CWC27: variants seen among roughly 807,000 people sequenced by gnomAD.
CWC27 encodes the protein spliceosome-associated protein CWC27 homolog.
In CWC27, 47 loss-of-function variants were observed where a neutral mutation model predicts 63.6. The observed-to-expected ratio is 0.74, with a 90% CI of 0.58 to 0.94. The LOEUF is 0.94. CWC27 is among the 40% of genes least tolerant of loss of function. CWC27 has a pLI of 0.00. For synonymous variants in CWC27, 175 were observed against 179.8 expected (o/e 0.97, Z 0.22); for missense variants, 495 against 554.3 (o/e 0.89, Z 1.07).
At chr5:64,887,505 T>G (rs188923339) in intron 11 of CWC27, among the ~76,000 whole-genome samples, 91 of 152,292 alleles carry the variant, frequency 6.0e-4, no homozygotes, top group Non-Finnish European at 8.7e-4. Flanking sequence ...TAGCTGAAAC[T>G]GCAAGCATGC....
chr5:64,944,267 T>C (rs1280261489), intron 11 of CWC27, among the ~76,000 whole-genome samples: 1 of 151,994 alleles, frequency 6.6e-6, no homozygotes, highest in African/African-American at 2.4e-5. Flanking sequence ...AAAAACTCCT[T>C]AAAGAAATAT....
rs997835187 is a variant in CWC27 at position 64,867,847 on chromosome 5, C to T, written c.939-17596C>T. Among the ~76,000 whole-genome samples, 53 of 151,930 alleles carry T rather than the reference C, an allele frequency of 3.5e-4. 1 individual carries two copies. The highest frequency in any genetic ancestry group is 1.2e-3 in the African/African-American group (50 of 41,478). ...ATCTCTAACACTAACATCTTCTTTC[C>T]CAGAGCTAGGAAGGCTCCTCAAAGG... On this transcript the variant is annotated intron_variant, in intron 10 of 13. Coordinates refer to ENST00000381070, the MANE Select transcript of CWC27 (RefSeq NM_005869.4).
intron 13 of CWC27, among the ~76,000 whole-genome samples, chr5:65,005,255 G>A (rs938363211): frequency 4.6e-5 from 7 of 151,902 alleles, no homozygotes; most frequent in Admixed American, 4.6e-4. Flanking sequence ...GGCACCCATG[G>A]CAGTGGCTAT....
chr5:64,928,203 C>T (rs73107283), intron 11 of CWC27, among the ~76,000 whole-genome samples: 1,652 of 151,436 alleles, frequency 0.011, 25 homozygotes, highest in African/African-American at 0.038. Context: ...TGTGTTTCCT[C>T]AGTCTGCATA....
intron 13 of CWC27, among the ~76,000 whole-genome samples, chr5:64,979,842 C>T (rs1199784477): frequency 6.6e-6 from 1 of 151,950 alleles, no homozygotes; most frequent in Non-Finnish European, 1.5e-5. Context: ...GAAACCATTA[C>T]CAATTTGTTA....
chr5:64,779,686 TC>T, intron 2 of CWC27, among the ~76,000 whole-genome samples: 1 of 152,274 alleles, frequency 6.6e-6, no homozygotes. Context: ...TTCTCTATTC[TC>T]CCCTTGATAT....
chr5:64,968,437 A>G (rs1447565295), intron 11 of CWC27, among the ~76,000 whole-genome samples: 5 of 152,148 alleles, frequency 3.3e-5, no homozygotes, highest in Non-Finnish European at 5.9e-5. Context: ...GTGTGTGTAA[A>G]TGTTTAAAGA....
intron 13 of CWC27, among the ~76,000 whole-genome samples, chr5:65,008,614 G>T (rs1749891472): frequency 6.6e-6 from 1 of 152,236 alleles, no homozygotes; most frequent in African/African-American, 2.4e-5. Context: ...CTCAATGTAG[G>T]AAGTGATGTG....
chr5:64,965,764 A>C (rs1484251216), intron 11 of CWC27, among the ~76,000 whole-genome samples: 1 of 152,200 alleles, frequency 6.6e-6, no homozygotes, highest in Non-Finnish European at 1.5e-5. Flanking sequence ...CACCAAACAG[A>C]TATTTTCAAA....
intron 13 of CWC27, among the ~76,000 whole-genome samples, chr5:64,982,859 A>G (rs2112451592): frequency 6.6e-6 from 1 of 152,324 alleles, no homozygotes; most frequent in African/African-American, 2.4e-5. Flanking sequence ...GCCGCCCAGC[A>G]GGCAGTAAGC....
chr5:64,801,193 C>A, intron 8 of CWC27, 109 bp from the exon 9 acceptor site: 1 of 998,562 alleles, frequency 1.0e-6, no homozygotes, highest in Non-Finnish European at 1.4e-6. Flanking sequence ...TGTTGAAATA[C>A]ATTTTTGGAA....
chr5:64,939,522 G>A (rs1237423949), intron 11 of CWC27, among the ~76,000 whole-genome samples: 1 of 152,208 alleles, frequency 6.6e-6, no homozygotes, highest in Non-Finnish European at 1.5e-5. Flanking sequence ...CCAGATGCCA[G>A]CTGGAGCTCT....
At chr5:64,878,501 G>A (rs1471193092) in intron 10 of CWC27, among the ~76,000 whole-genome samples, 148 of 25,984 alleles carry the variant, frequency 5.7e-3, no homozygotes, top group African/African-American at 0.012. Flanking sequence ...AAAAAAAAAA[G>A]CACCTGTTAG....
chr5:64,779,611 C>T (rs1159721536), intron 2 of CWC27, among the ~76,000 whole-genome samples: 1 of 152,110 alleles, frequency 6.6e-6, no homozygotes, highest in Non-Finnish European at 1.5e-5. Context: ...GCAGCCGGCA[C>T]CTCTATGTAG....
intron 11 of CWC27, among the ~76,000 whole-genome samples, chr5:64,946,838 C>T (rs1036589617): frequency 6.6e-6 from 1 of 152,036 alleles, no homozygotes; most frequent in Non-Finnish European, 1.5e-5. Flanking sequence ...ATCCTTGCAG[C>T]TGATGAGGAC....
At chr5:64,967,607 A>G (rs986571018) in intron 11 of CWC27, among the ~76,000 whole-genome samples, 12 of 152,014 alleles carry the variant, frequency 7.9e-5, no homozygotes, top group Non-Finnish European at 1.6e-4. Flanking sequence ...GAGAGTGTAT[A>G]GAAATAGATA....
chr5:64,875,555 AG>A (rs1255670400), intron 10 of CWC27, among the ~76,000 whole-genome samples: 2 of 152,150 alleles, frequency 1.3e-5, no homozygotes, highest in Admixed American at 1.3e-4. Flanking sequence ...CTTTTCAGCT[AG>A]GTTATAATGA....
chr5:65,017,088 G>A (rs1477443555), intron 13 of CWC27, among the ~76,000 whole-genome samples: 3 of 152,120 alleles, frequency 2.0e-5, no homozygotes, highest in African/African-American at 4.8e-5. Flanking sequence ...TTGGGAGGCC[G>A]AGGCGGGCAG....
intron 10 of CWC27, among the ~76,000 whole-genome samples, chr5:64,874,245 T>A (rs1746743194): frequency 7.1e-6 from 1 of 140,862 alleles, no homozygotes; most frequent in Admixed American, 7.3e-5. Flanking sequence ...CACTGCAACC[T>A]CTGCCTCCTG....
Sources: gnomAD v4.1 joint callset for allele counts (sites outside exome capture counted in the v4.1 genomes callset) on GRCh38, gnomAD v4.1.1 for gene constraint, MANE v1.5 for transcripts, NCBI Gene and HGNC (gene_info 2026-07-23, HGNC 2026-07-21) for gene names.